ZNF407: variants seen among roughly 807,000 people sequenced by gnomAD.
ZNF407 encodes the protein zinc finger protein 407.
ZNF407 carries 17 observed loss-of-function variants against 131.2 expected under a neutral mutation model. That is an observed-to-expected ratio of 0.13 (90% CI 0.09 to 0.19). The LOEUF is 0.19. Ranked by LOEUF, ZNF407 falls within the 10% of genes least tolerant of loss-of-function variation. ZNF407 has a pLI of 1.00. For synonymous variants in ZNF407, 1,156 were observed against 1,062.0 expected (o/e 1.09, Z -1.72); for missense variants, 2,681 against 2,830.6 (o/e 0.95, Z 1.20).
intron 7 of ZNF407, among the ~76,000 whole-genome samples, chr18:74,910,538 A>G (rs956182159): frequency 2.0e-5 from 3 of 152,070 alleles, no homozygotes; most frequent in Non-Finnish European, 2.9e-5. Flanking sequence ...TTAGTTTCAT[A>G]ATTCTTTTTA....
chr18:74,956,167 C>G (rs758638229), intron 8 of ZNF407, among the ~76,000 whole-genome samples: 6 of 152,124 alleles, frequency 3.9e-5, no homozygotes, highest in Admixed American at 3.3e-4. Context: ...CAGTTATAGA[C>G]GTTCATTGTT....
chr18:74,860,484 ATATTATTATTAT>A lies in ZNF407; in HGVS notation c.4878-16694_4878-16683del, dbSNP rs1167796493. Among the ~76,000 whole-genome samples, 598 of 145,524 alleles carry A rather than the reference ATATTATTATTAT, an allele frequency of 4.1e-3. 4 individuals carry two copies. The highest frequency in any genetic ancestry group is 0.014 in the African/African-American group (544 of 39,878). On this transcript the variant is annotated intron_variant, in intron 4 of 8. Coordinates refer to ENST00000299687, the MANE Select transcript of ZNF407 (RefSeq NM_017757.3). ...TTAGATACTAAATTGCAGAACCTCTATATTATTATTATTATTATTATTATTATTATGTCTTAG... is the reference window on the plus strand; with the variant it reads ...TTAGATACTAAATTGCAGAACCTCTATATTATTATTATTATTATGTCTTAG...
At chr18:74,938,097 T>TGAGCG (rs1462804682) in intron 8 of ZNF407, among the ~76,000 whole-genome samples, 1 of 152,230 alleles carries the variant, frequency 6.6e-6, no homozygotes, top group Non-Finnish European at 1.5e-5. Context: ...ATTATGCTTA[T>TGAGCG]GAGCGGGCCC....
intron 3 of ZNF407, among the ~76,000 whole-genome samples, chr18:74,693,618 T>C (rs1967281852): frequency 2.0e-5 from 3 of 152,212 alleles, no homozygotes; most frequent in African/African-American, 4.8e-5. Flanking sequence ...TGTTCCTCTG[T>C]ATATATCATG....
intron 4 of ZNF407, among the ~76,000 whole-genome samples, chr18:74,868,060 A>G (rs888283517): frequency 6.6e-6 from 1 of 152,208 alleles, no homozygotes; most frequent in African/African-American, 2.4e-5. Flanking sequence ...TTGTTAATTC[A>G]TTCTAATGCT....
intron 3 of ZNF407, among the ~76,000 whole-genome samples, chr18:74,756,936 G>GTAA (rs1968977819): frequency 6.6e-6 from 1 of 152,028 alleles, no homozygotes; most frequent in South Asian, 2.1e-4. Flanking sequence ...AAGGTTAGTA[G>GTAA]TAATATTCAC....
chr18:74,951,418 A>G (rs573922146), intron 8 of ZNF407, among the ~76,000 whole-genome samples: 35 of 152,276 alleles, frequency 2.3e-4, no homozygotes, highest in African/African-American at 7.9e-4. Context: ...ACTGTTTTGC[A>G]CAGAGATCTT....
At chr18:74,819,531 A>C (rs1315944117) in intron 4 of ZNF407, among the ~76,000 whole-genome samples, 1 of 152,198 alleles carries the variant, frequency 6.6e-6, no homozygotes, top group African/African-American at 2.4e-5. Flanking sequence ...CCTGGGCAGA[A>C]CTATTGGTGG....
At chr18:74,813,430 C>T (rs149683160) in intron 4 of ZNF407, among the ~76,000 whole-genome samples, 72 of 151,702 alleles carry the variant, frequency 4.7e-4, no homozygotes, top group Non-Finnish European at 9.1e-4. Flanking sequence ...TTCATGATGC[C>T]GTGAGGCCAC....
At chr18:75,050,632 A>C (rs1216812813) in intron 8 of ZNF407, among the ~76,000 whole-genome samples, 3 of 152,204 alleles carry the variant, frequency 2.0e-5, no homozygotes, top group Non-Finnish European at 2.9e-5. Context: ...CTTTTATTAC[A>C]AGGAGTAAGC....
chr18:74,853,458 A>G (rs1326363254), intron 4 of ZNF407, among the ~76,000 whole-genome samples: 1 of 152,214 alleles, frequency 6.6e-6, no homozygotes, highest in South Asian at 2.1e-4. Flanking sequence ...GTGGCCAGAC[A>G]TCCTGAGATT....
At chr18:74,638,602 A>G (rs1984567374) in intron 2 of ZNF407, among the ~76,000 whole-genome samples, 1 of 152,232 alleles carries the variant, frequency 6.6e-6, no homozygotes, top group Non-Finnish European at 1.5e-5. Flanking sequence ...TGGATTTTAA[A>G]GTCTTTGAAA....
chr18:74,818,865 T>TAAAAAAAAAAAAAAAAA (rs11392274), intron 4 of ZNF407, among the ~76,000 whole-genome samples: 1 of 139,440 alleles, frequency 7.2e-6, no homozygotes, highest in East Asian at 2.1e-4. Flanking sequence ...CATTGAACAG[T>TAAAAAAAAAAAAAAAAA]AAAAAAAAAA....
chr18:74,676,500 G>T (rs1348073671), intron 3 of ZNF407, among the ~76,000 whole-genome samples: 1 of 151,148 alleles, frequency 6.6e-6, no homozygotes, highest in Non-Finnish European at 1.5e-5. Flanking sequence ...GCAGTGGCGG[G>T]ATCTCGGCTC....
At chr18:74,950,861 A>T (rs1285826269) in intron 8 of ZNF407, among the ~76,000 whole-genome samples, 1 of 152,192 alleles carries the variant, frequency 6.6e-6, no homozygotes, top group Non-Finnish European at 1.5e-5. Flanking sequence ...ATGGTTTTTA[A>T]TGAGGCTTCT....
At chr18:74,699,397 C>T (rs935040607) in intron 3 of ZNF407, among the ~76,000 whole-genome samples, 2 of 152,068 alleles carry the variant, frequency 1.3e-5, no homozygotes, top group African/African-American at 4.8e-5. Flanking sequence ...TAGGGGAGTG[C>T]TGGGGTCTGA....
chr18:74,650,401 A>G (rs1274959214), intron 3 of ZNF407, among the ~76,000 whole-genome samples: 1 of 152,158 alleles, frequency 6.6e-6, no homozygotes, highest in Non-Finnish European at 1.5e-5. Context: ...CTTTGTTTTG[A>G]ATTGCTGCAG....
intron 1 of ZNF407, among the ~76,000 whole-genome samples, chr18:74,598,705 C>A (rs988641002): frequency 2.0e-5 from 3 of 152,270 alleles, no homozygotes; most frequent in Non-Finnish European, 2.9e-5. Flanking sequence ...GCGGGGAGAC[C>A]CGCGGCTGCC....
intron 4 of ZNF407, chr18:74,804,358 A>G: frequency 9.5e-7 from 1 of 1,048,254 alleles, no homozygotes; most frequent in Non-Finnish European, 1.1e-6. Context: ...CTGTCCAATC[A>G]AAGTTTTTGT....
Sources: allele counts gnomAD v4.1 joint callset (sites outside exome capture counted in the v4.1 genomes callset), GRCh38; gene constraint gnomAD v4.1.1; transcripts MANE v1.5; gene names NCBI Gene and HGNC (gene_info 2026-07-23, HGNC 2026-07-21).